The following AMPD3 variants were observed in gnomAD, a reference collection of about 807,000 sequenced individuals.
The protein encoded by AMPD3 is adenosine monophosphate deaminase 3.
In AMPD3, 57 loss-of-function variants were observed where a neutral mutation model predicts 82.3. The ratio of observed to expected loss-of-function variants is 0.69; its 90% CI spans 0.56 to 0.86. AMPD3 has a LOEUF of 0.86. AMPD3 is among the 40% of genes least tolerant of loss of function. AMPD3 has a pLI of 0.00. For synonymous variants in AMPD3, 381 were observed against 394.7 expected, an observed-to-expected ratio of 0.97 and a Z score of 0.41; for missense variants, 870 against 1,003.8, an observed-to-expected ratio of 0.87 and a Z score of 1.80.
intron 2 of AMPD3, among the ~76,000 whole-genome samples, chr11:10,472,497 T>C (rs1156809832): frequency 3.9e-5 from 6 of 152,274 alleles, no homozygotes; most frequent in Admixed American, 3.3e-4. Flanking sequence ...GTTGAAAAAT[T>C]TGGCTATCTA....
rs190270282 is a variant in AMPD3, at chr11:10,486,641, T to G, written c.810-594T>G. On this transcript the variant is annotated intron_variant, in intron 5 of 14. Coordinates refer to ENST00000396553, the MANE Select transcript of AMPD3 (RefSeq NM_001025389.2). ...AATATCCTCCTCTTGTCGTGAAGCCTCAGAGTTGAGAGATCCTTGGGCCGT... is the reference window on the plus strand; with the variant it reads ...AATATCCTCCTCTTGTCGTGAAGCCGCAGAGTTGAGAGATCCTTGGGCCGT... 15 of 985,414 alleles carry G rather than the reference T, an allele frequency of 1.5e-5. No homozygotes were observed. In the African/African-American group the frequency reaches 1.9e-4, roughly 13 times the overall value. The allele number at this position is 985,414 out of a possible 1,614,324, so 61.0% of individuals were successfully genotyped here. A position where few individuals can be genotyped will look rare whatever the true frequency, so the allele number is the denominator to read the frequency against.
intron 2 of AMPD3, among the ~76,000 whole-genome samples, chr11:10,474,484 C>T (rs773162271): frequency 3.3e-5 from 5 of 152,148 alleles, no homozygotes; most frequent in Non-Finnish European, 5.9e-5. Flanking sequence ...GCCTGATTCC[C>T]CAGAGCGGAG....
chr11:10,481,921 T>C, intron 3 of AMPD3, 142 bp from the exon 4 acceptor site: 3 of 950,428 alleles, frequency 3.2e-6, no homozygotes, highest in Middle Eastern at 2.8e-4. Flanking sequence ...ACCACTCTTA[T>C]TGGTCAAGGA....
chr11:10,472,044 C>T (rs1390351104), intron 2 of AMPD3, among the ~76,000 whole-genome samples: 1 of 152,162 alleles, frequency 6.6e-6, no homozygotes, highest in Admixed American at 6.5e-5. Flanking sequence ...GGAACCCACC[C>T]AAATGTCCAT....
chr11:10,494,072 G>C (rs1335760217), intron 7 of AMPD3, among the ~76,000 whole-genome samples: 3 of 152,182 alleles, frequency 2.0e-5, no homozygotes, highest in Non-Finnish European at 2.9e-5. Flanking sequence ...CCAACAGATA[G>C]AAACAGCCGG....
At chr11:10,468,965 C>T (rs142385800) in intron 2 of AMPD3, among the ~76,000 whole-genome samples, 1,655 of 152,276 alleles carry the variant, frequency 0.011, 18 homozygotes, top group Non-Finnish European at 0.015. Flanking sequence ...ACACAACGTA[C>T]CAGAATCTCT....
intron 8 of AMPD3, 139 bp downstream of exon 8, chr11:10,495,169 G>C: frequency 1.3e-6 from 2 of 1,591,972 alleles, no homozygotes; most frequent in Non-Finnish European, 1.7e-6. Flanking sequence ...AGGTGCCCAG[G>C]TGCCCAGTGC....
chr11:10,500,310 C>T (rs1308808324), intron 11 of AMPD3, 61 bp downstream of exon 11: 16 of 1,559,410 alleles, frequency 1.0e-5, no homozygotes, highest in African/African-American at 9.5e-5. Flanking sequence ...CACGCATGCA[C>T]ACACATGCAC....
chr11:10,476,815 C>A, intron 2 of AMPD3: 1 of 617,562 alleles, frequency 1.6e-6, no homozygotes, highest in Non-Finnish European at 2.0e-6. Context: ...ATCCCTGGGG[C>A]AGGATGCTTG....
At chr11:10,499,758 A>T (rs957923426) in intron 10 of AMPD3, 98 of 985,250 alleles carry the variant, frequency 9.9e-5, no homozygotes, top group Non-Finnish European at 1.2e-4. Context: ...GGCATAGCAG[A>T]GGGGCAGGTG....
chr11:10,463,793 T>C (rs1011651828), intron 2 of AMPD3, among the ~76,000 whole-genome samples: 15 of 152,228 alleles, frequency 9.9e-5, no homozygotes, highest in African/African-American at 3.6e-4. Context: ...AAAACTTTGT[T>C]CTGTCCTTGC....
intron 11 of AMPD3, chr11:10,500,769 C>T (rs1282761826): frequency 2.0e-6 from 2 of 985,332 alleles, no homozygotes; most frequent in East Asian, 1.1e-4. Context: ...CATGCATGCC[C>T]TTACAGGCAG....
At chr11:10,453,953 G>A (rs141246536), upstream of AMPD3, among the ~76,000 whole-genome samples, 438 of 152,300 alleles carry the variant, frequency 2.9e-3, 2 homozygotes, top group African/African-American at 9.8e-3. Context: ...TGTAAGGGGT[G>A]CTTAAGTGAT....
At chr11:10,488,388 G>A in intron 6 of AMPD3, 1 of 985,424 alleles carries the variant, frequency 1.0e-6, no homozygotes, top group Admixed American at 6.1e-5. Flanking sequence ...CCAGGCAGAG[G>A]GTGTGGTAGG....
At chr11:10,504,801 G>A (rs1849672912) in intron 14 of AMPD3, 142 bp downstream of exon 14, 7 of 816,632 alleles carry the variant, frequency 8.6e-6, no homozygotes, top group Non-Finnish European at 1.4e-5. Context: ...GAGAAGACGC[G>A]GCAGCCTCCT....
intron 1 of AMPD3, among the ~76,000 whole-genome samples, chr11:10,460,511 A>G (rs1197383345): frequency 6.6e-6 from 1 of 151,350 alleles, no homozygotes; most frequent in African/African-American, 2.4e-5. Flanking sequence ...GGTTTAAGCA[A>G]TTCTCTTGCC....
At chr11:10,501,695 G>A in intron 12 of AMPD3, 105 bp downstream of exon 12, 1 of 1,595,960 alleles carries the variant, frequency 6.3e-7, no homozygotes, top group Non-Finnish European at 8.5e-7. Context: ...TTCTGGGCTG[G>A]GATGTCTGTC....
chr11:10,497,450 A>T (rs977925153), intron 10 of AMPD3: 28 of 354,276 alleles, frequency 7.9e-5, no homozygotes, highest in Non-Finnish European at 1.0e-4. Context: ...AGGCTTAACC[A>T]GGGAGGGAGG....
chr11:10,469,706 CAG>C (rs970213221), intron 2 of AMPD3, among the ~76,000 whole-genome samples: 25 of 152,306 alleles, frequency 1.6e-4, no homozygotes, highest in African/African-American at 6.0e-4. Flanking sequence ...AGAGACACAA[CAG>C]AGAAAATTTC....
Sources: allele counts gnomAD v4.1 joint callset (sites outside exome capture counted in the v4.1 genomes callset), GRCh38; gene constraint gnomAD v4.1.1; transcripts MANE v1.5; gene names NCBI Gene and HGNC (gene_info 2026-07-23, HGNC 2026-07-21).